Variants in RIC8B observed in about 807,000 individuals in gnomAD.
The protein encoded by RIC8B is RIC8 guanine nucleotide exchange factor B.
Under a neutral mutation model 57.5 loss-of-function variants are expected in RIC8B, and 16 were observed. That is an observed-to-expected ratio of 0.28 (90% CI 0.19 to 0.42). The LOEUF (loss-of-function observed/expected upper bound fraction) is 0.42, where lower values mean the gene tolerates loss of function less well. RIC8B is among the 10% of genes least tolerant of loss of function. RIC8B has a pLI of 1.00. For missense variants in RIC8B, 481 were observed against 677.0 expected (o/e 0.71, Z 3.21); for synonymous variants, 216 against 250.8 (o/e 0.86, Z 1.31).
At position 106,846,738 on chromosome 12, in the gene RIC8B, A is replaced by C. The variant is rs533590541; in HGVS notation, c.1161+2791A>C. ...ACAGAACAGCCAAAAAAAAAAAAAA[A>C]ACCTATTAGTTAAATACTTCTTAAT... is the stretch of plus-strand genomic sequence containing the variant. On this transcript the variant is annotated intron_variant, in intron 6 of 9. Transcript: ENST00000392837. Among the ~76,000 whole-genome samples, 54 of 152,136 alleles carry C rather than the reference A, an allele frequency of 3.5e-4. No individual in the cohort carries two copies. The East Asian group carries it at 7.9e-3, about 22-fold the overall frequency.
At position 106,849,073 on chromosome 12, in the gene RIC8B, G is replaced by T. The variant is rs995825439; in HGVS notation, c.1162-2377G>T. ...ATGTAGTATTTGATAGCACAACAGGGTGATGTCAACAATAATTTGTTGTAC... is the reference window on the plus strand; with the variant it reads ...ATGTAGTATTTGATAGCACAACAGGTTGATGTCAACAATAATTTGTTGTAC... On this transcript the variant is annotated intron_variant, in intron 6 of 9. Coordinates refer to ENST00000392837, the MANE Select transcript of RIC8B (RefSeq NM_001330145.2). Among the ~76,000 whole-genome samples, 15 of 151,966 alleles carry T rather than the reference G, an allele frequency of 9.9e-5. 1 individual carries two copies. Among genetic ancestry groups the T allele is most frequent in the Admixed American group, 6.5e-5 (1 of 15,270 alleles).
At chr12:106,830,069 T>G (rs1566100619) in intron 4 of RIC8B, among the ~76,000 whole-genome samples, 2 of 152,236 alleles carry the variant, frequency 1.3e-5, no homozygotes, top group African/African-American at 4.8e-5. Context: ...CACACTGTTT[T>G]GGTTACTGTA....
At chr12:106,848,924 TACA>T (rs1949333601) in intron 6 of RIC8B, among the ~76,000 whole-genome samples, 1 of 152,176 alleles carries the variant, frequency 6.6e-6, no homozygotes, top group South Asian at 2.1e-4. Flanking sequence ...AGATCTGCTG[TACA>T]ACATTGTACC....
At chr12:106,825,242 A>G (rs1339104574) in intron 3 of RIC8B, among the ~76,000 whole-genome samples, 1 of 152,168 alleles carries the variant, frequency 6.6e-6, no homozygotes, top group African/African-American at 2.4e-5. Flanking sequence ...CTTGTATTTC[A>G]TTACTTGCTG....
chr12:106,860,217 G>A, intron 7 of RIC8B, 51 bp from the exon 8 acceptor site: 7 of 1,443,156 alleles, frequency 4.9e-6, no homozygotes, highest in Non-Finnish European at 6.5e-6. Flanking sequence ...GGTTGATGAT[G>A]ATGGTGAAGA....
At position 106,842,565 on chromosome 12, in the gene RIC8B, T is replaced by G. The variant is rs200858563; in HGVS notation, c.837-24T>G. 1.6e-3 allele frequency: 2,523 copies of G among 1,558,050 alleles called. 2 individuals carry two copies. Among genetic ancestry groups the G allele is most frequent in the Non-Finnish European group, 1.9e-3 (2,204 of 1,132,510 alleles). ...GGACTATTCAATCAAGTTAAAATAT[T>G]GTATTTTTTTAATTGCTTTTCAGCA... On this transcript the variant is annotated intron_variant, in intron 4 of 9. Transcript: ENST00000392837.
chr12:106,799,958 T>A (rs2044654830), intron 2 of RIC8B, among the ~76,000 whole-genome samples: 1 of 152,166 alleles, frequency 6.6e-6, no homozygotes, highest in South Asian at 2.1e-4. Flanking sequence ...AAGATCAAGA[T>A]GCTGTCAAGG....
At chr12:106,859,951 T>G (rs1239255918) in intron 7 of RIC8B, among the ~76,000 whole-genome samples, 1 of 152,118 alleles carries the variant, frequency 6.6e-6, no homozygotes, top group African/African-American at 2.4e-5. Flanking sequence ...TTTTAAATAG[T>G]AAGATCTGAG....
chr12:106,788,223 A>G (rs868161525), intron 2 of RIC8B, among the ~76,000 whole-genome samples: 2 of 152,324 alleles, frequency 1.3e-5, no homozygotes, highest in Middle Eastern at 3.4e-3. Flanking sequence ...CGGTGATTCA[A>G]GAGGTAGGTT....
intron 6 of RIC8B, among the ~76,000 whole-genome samples, chr12:106,851,081 G>T (rs1432731214): frequency 3.3e-5 from 5 of 152,254 alleles, no homozygotes; most frequent in African/African-American, 4.8e-5. Flanking sequence ...ATGACTCGGG[G>T]TATTAGGGAA....
chr12:106,886,066 G>C lies in RIC8B; in HGVS notation c.*51G>C. On this transcript the variant is annotated 3_prime_UTR_variant, in exon 10 of 10. Coordinates refer to ENST00000392837, the MANE Select transcript of RIC8B (RefSeq NM_001330145.2). ...ATTGCTTTATCAGCATCTTTTCTCTGTAGCTCCAGGGGAATCTTTTCTCTA... is the reference window on the plus strand; with the variant it reads ...ATTGCTTTATCAGCATCTTTTCTCTCTAGCTCCAGGGGAATCTTTTCTCTA... 2 of 1,256,504 alleles carry C rather than the reference G, an allele frequency of 1.6e-6. No individual in the cohort carries two copies. Among genetic ancestry groups the C allele is most frequent in the East Asian group, 2.3e-5 (1 of 43,192 alleles). The allele number at this position is 1,256,504 out of a possible 1,614,324, so 77.8% of individuals were successfully genotyped here.
At chr12:106,869,101 G>C (rs1950275682) in intron 8 of RIC8B, among the ~76,000 whole-genome samples, 1 of 151,906 alleles carries the variant, frequency 6.6e-6, no homozygotes, top group African/African-American at 2.4e-5. Context: ...GTTCACTTTT[G>C]TCTATTTTAT....
chr12:106,797,958 A>G, intron 2 of RIC8B: 1 of 690,806 alleles, frequency 1.4e-6, no homozygotes, highest in South Asian at 1.6e-5. Flanking sequence ...AATCGATTCT[A>G]TTTATTTCCT....
chr12:106,860,924 A>G (rs140808701), intron 8 of RIC8B, among the ~76,000 whole-genome samples: 758 of 152,124 alleles, frequency 5.0e-3, no homozygotes, highest in South Asian at 0.02. Flanking sequence ...AAACAAACAT[A>G]TAAGACTCAT....
chr12:106,859,752 A>T (rs1172777281), intron 7 of RIC8B, among the ~76,000 whole-genome samples: 1 of 152,096 alleles, frequency 6.6e-6, no homozygotes, highest in Non-Finnish European at 1.5e-5. Flanking sequence ...TTTTTATTTT[A>T]AAAAAGCAGT....
At chr12:106,827,840 T>C (rs1336427194) in intron 4 of RIC8B, among the ~76,000 whole-genome samples, 1 of 152,140 alleles carries the variant, frequency 6.6e-6, no homozygotes, top group Non-Finnish European at 1.5e-5. Context: ...CAAGAGTAAA[T>C]TGATTTTTTT....
rs149848986 is a variant in RIC8B, at chr12:106,814,877, T to G, written c.314T>G (p.Leu105Trp). 359 of 1,614,202 alleles carry G rather than the reference T, an allele frequency of 2.2e-4. 1 individual carries two copies. Among genetic ancestry groups the G allele is most frequent in the Middle Eastern group, 6.6e-4 (4 of 6,062 alleles). The part of the protein sequence containing the change: ...LAKLNELDDS[L>W]EKVSEFPVIV... ...AAGCTAAATGAGTTAGATGATTCTT[T>G]GGAGAAAGTATCAGAGTTCCCAGTT... The change falls in exon 3 of 10, where the codon TTG becomes TGG. Residue 105 changes from leucine to tryptophan, a missense_variant. Around this residue, in one of 3 missense-constraint regions of RIC8B, gnomAD observed 421 missense variants for 560.9 expected, o/e 0.75. Coordinates refer to ENST00000392837, the MANE Select transcript of RIC8B (RefSeq NM_001330145.2).
At position 106,825,795 on chromosome 12, in the gene RIC8B, G is replaced by A. The variant is rs752673076; in HGVS notation, c.811G>A (p.Glu271Lys). The change falls in exon 4 of 10, where the codon GAA becomes AAA. Residue 271 changes from glutamate (E) to lysine (K), a missense_variant. By Grantham distance (56) the Glu-to-Lys change is moderately conservative. Transcript: ENST00000392837. ...TTGTTTACTAATCGTAGGTCCAACT[G>A]AAGACAAAACAGAAGAGCTACACAG... ...RHCLLIVGPTEDKTEELHSNA... is the reference protein window; with the variant it reads ...RHCLLIVGPTKDKTEELHSNA... 6.2e-7 allele frequency: 1 copy of A among 1,613,272 alleles called. No individual in the cohort carries two copies. Among genetic ancestry groups the A allele is most frequent in the Non-Finnish European group, 8.5e-7 (1 of 1,179,256 alleles).
In RIC8B at chr12:106,879,831, G is replaced by A; in HGVS notation, c.1572-6073G>A. ...GGCCAGATGCCTGATCAGATGAGAA[G>A]CCCGCCATGATACTGTCACAGTGCC... On this transcript the variant is annotated intron_variant, in intron 9 of 9. Transcript: ENST00000392837. The surrounding 1 kb of genome is among the most constrained non-coding windows in gnomAD (Gnocchi z 4.9). 1.0e-6 allele frequency: 1 copy of A among 985,424 alleles called. No homozygotes were observed. Among genetic ancestry groups the A allele is most frequent in the Non-Finnish European group, 1.2e-6 (1 of 829,936 alleles). The allele number at this position is 985,424 out of a possible 1,614,324, so 61.0% of individuals were successfully genotyped here.
Sources: allele counts gnomAD v4.1 joint callset (sites outside exome capture counted in the v4.1 genomes callset), GRCh38; gene constraint gnomAD v4.1.1; regional missense constraint gnomAD v4.1.1; non-coding constraint Gnocchi (gnomAD v3.1); transcripts MANE v1.5; gene names NCBI Gene and HGNC (gene_info 2026-07-23, HGNC 2026-07-21).